The following LAMA2 variants were observed in gnomAD, a reference collection of about 807,000 sequenced individuals.
LAMA2 encodes the protein laminin subunit alpha-2.
LAMA2 carries 269 observed loss-of-function variants against 364.8 expected under a neutral mutation model. The observed-to-expected ratio is 0.74, with a 90% CI of 0.67 to 0.82. The LOEUF is 0.82. LAMA2 is among the 40% of genes least tolerant of loss of function. The pLI is 0.00. For missense variants in LAMA2, 3,807 were observed against 3,873.2 expected, an observed-to-expected ratio of 0.98 and a Z score of 0.45; for synonymous variants, 1,379 against 1,370.6, an observed-to-expected ratio of 1.01 and a Z score of -0.14.
In LAMA2 at chr6:129,190,211, G is replaced by T. The variant is rs1254472801; in HGVS notation, c.1474G>T (p.Val492Phe). 1.9e-6 allele frequency: 3 copies of T among 1,613,476 alleles called. No homozygotes were observed. The highest frequency in any genetic ancestry group is 2.5e-6 in the Non-Finnish European group (3 of 1,179,460). The change falls in exon 11 of 65, where the codon GTT becomes TTT. Residue 492 changes from valine to phenylalanine, a missense_variant. Val to Phe is a conservative substitution (Grantham distance 50). Coordinates refer to ENST00000421865, the MANE Select transcript of LAMA2 (RefSeq NM_000426.4). ...TACATCTCTTTATTTGCAGGAAAAT[G>T]TTGAAGGAGGAGACTGTAGTCGTTG... ...CFGPCICKEN[V>F]EGGDCSRCKS... is the part of the protein sequence containing the mutation.
rs867729486 is a variant in LAMA2, at chr6:129,088,430, C to T, written c.397-9743C>T. ...TGGGTACACCTCCCAGATGGGGTGG[C>T]GGCTGGGCAGAGGGGCTCCTCACTT... is the stretch of plus-strand genomic sequence containing the variant. On this transcript the variant is annotated intron_variant, in intron 3 of 64. Transcript: ENST00000421865. Among the ~76,000 whole-genome samples, 275 of 152,228 alleles carry T rather than the reference C, an allele frequency of 1.8e-3. 2 individuals are homozygous for T. Among genetic ancestry groups the T allele is most frequent in the African/African-American group, 6.2e-3 (257 of 41,562 alleles).
chr6:129,371,033 T>C, intron 34 of LAMA2, among the ~76,000 whole-genome samples: 2 of 152,232 alleles, frequency 1.3e-5, no homozygotes, highest in East Asian at 3.8e-4. Context: ...GCCAAATGTA[T>C]GTAGACATTA....
At chr6:129,510,151 G>A (rs1482591517) in intron 62 of LAMA2, among the ~76,000 whole-genome samples, 2 of 152,074 alleles carry the variant, frequency 1.3e-5, no homozygotes, top group African/African-American at 4.8e-5. Context: ...AAAGTAAACG[G>A]CATCCAAGGA....
At chr6:129,151,196 G>A (rs1458059341) in intron 7 of LAMA2, among the ~76,000 whole-genome samples, 2 of 152,152 alleles carry the variant, frequency 1.3e-5, no homozygotes, top group Non-Finnish European at 2.9e-5. Flanking sequence ...TAGGGTCCTG[G>A]CTGCACAGAG....
At chr6:129,397,304 G>A (rs7763317) in intron 37 of LAMA2, among the ~76,000 whole-genome samples, 6,543 of 151,930 alleles carry the variant, frequency 0.043, 453 homozygotes, top group African/African-American at 0.15. Flanking sequence ...TCCTATCTTA[G>A]GTATTTTATA....
Position 129,274,405 on chromosome 6 carries a change from C to T in LAMA2, c.2450+3654C>T, listed in dbSNP as rs1182594705. Among the ~76,000 whole-genome samples the T allele has an allele frequency of 4.0e-5, 6 of 151,386 alleles. No individual in the cohort carries two copies. In the East Asian group the frequency reaches 1.2e-3, roughly 29 times the overall value. ...CCTGAAGACGAGATTTTAATTTCCA[C>T]AGGTTATTCAGAGAAAAAAAAAAAG... On this transcript the variant is annotated intron_variant, in intron 17 of 64. Transcript: ENST00000421865.
intron 3 of LAMA2, among the ~76,000 whole-genome samples, chr6:129,065,959 A>G (rs1016039093): frequency 6.6e-6 from 1 of 150,510 alleles, no homozygotes; most frequent in Non-Finnish European, 1.5e-5. Context: ...ACCTTCCACC[A>G]TGATTGTGAG....
intron 4 of LAMA2, among the ~76,000 whole-genome samples, chr6:129,136,146 A>C (rs1352179013): frequency 6.6e-6 from 1 of 152,102 alleles, no homozygotes; most frequent in South Asian, 2.1e-4. Flanking sequence ...CCCAATGGGA[A>C]CGATACCAGG....
At chr6:128,973,327 GAGA>G (rs1782313017) in intron 1 of LAMA2, among the ~76,000 whole-genome samples, 1 of 152,180 alleles carries the variant, frequency 6.6e-6, no homozygotes, top group Non-Finnish European at 1.5e-5. Flanking sequence ...GCCACACATG[GAGA>G]AGGACACTGA....
chr6:129,313,024 C>T lies in LAMA2; in HGVS notation c.3338C>T (p.Thr1113Ile), dbSNP rs561950953. 1.9e-6 allele frequency: 3 copies of T among 1,614,194 alleles called. No individual in the cohort carries two copies. The highest frequency in any genetic ancestry group is 4.5e-5 in the East Asian group (2 of 44,890). ...CNLCDCFLPG[T>I]DATTCDSETK... is the part of the protein sequence containing the mutation. Reference sequence around the variant, plus strand: ...CTCTGTGACTGCTTCCTCCCTGGGACAGATGCCACAACCTGTGATTCAGAG... The same window carrying T: ...CTCTGTGACTGCTTCCTCCCTGGGATAGATGCCACAACCTGTGATTCAGAG... The change falls in exon 23 of 65, where the codon ACA (threonine) becomes ATA (isoleucine). Residue 1113 changes from threonine (T) to isoleucine (I), a missense_variant. Around this residue, in one of 3 missense-constraint regions of LAMA2, gnomAD observed 3,333 missense variants for 3,345.7 expected, o/e 1.00. Transcript: ENST00000421865.
chr6:129,266,177 A>G (rs1420145172), intron 15 of LAMA2, among the ~76,000 whole-genome samples: 2 of 152,098 alleles, frequency 1.3e-5, no homozygotes, highest in African/African-American at 4.8e-5. Flanking sequence ...AACCCACAAG[A>G]TGCAATTTCA....
At chr6:129,323,403 C>T (rs17057149) in intron 28 of LAMA2, among the ~76,000 whole-genome samples, 17,658 of 152,164 alleles carry the variant, frequency 0.12, 1,172 homozygotes, top group Admixed American at 0.16. Flanking sequence ...TCAGTTACTG[C>T]TAAAATATAG....
At chr6:129,382,945 T>C (rs1343621754) in intron 34 of LAMA2, among the ~76,000 whole-genome samples, 177 bp from the exon 35 acceptor site, 1 of 152,220 alleles carries the variant, frequency 6.6e-6, no homozygotes, top group Non-Finnish European at 1.5e-5. Context: ...GAAGAAGTAA[T>C]AAAGTTTAAT....
At chr6:128,948,191 A>T (rs1780597890) in intron 1 of LAMA2, among the ~76,000 whole-genome samples, 1 of 152,080 alleles carries the variant, frequency 6.6e-6, no homozygotes, top group African/African-American at 2.4e-5. Context: ...AGCAGGTAAC[A>T]AGAGGACTTG....
At chr6:129,390,687 C>T (rs1462748001) in intron 35 of LAMA2, among the ~76,000 whole-genome samples, 1 of 152,108 alleles carries the variant, frequency 6.6e-6, no homozygotes, top group Non-Finnish European at 1.5e-5. Flanking sequence ...AATAATATAA[C>T]TGTGTAAATG....
intron 1 of LAMA2, among the ~76,000 whole-genome samples, chr6:128,934,650 C>T (rs1008869766): frequency 6.6e-6 from 1 of 152,060 alleles, no homozygotes. Context: ...TACAGGTGCA[C>T]ACCACCATGC....
intron 51 of LAMA2, among the ~76,000 whole-genome samples, chr6:129,472,781 T>G (rs971026265): frequency 1.3e-5 from 2 of 151,962 alleles, no homozygotes; most frequent in Non-Finnish European, 2.9e-5. Context: ...TCCCAGTAGT[T>G]CCTGTGGATA....
intron 1 of LAMA2, among the ~76,000 whole-genome samples, chr6:129,039,069 C>A (rs994651944): frequency 6.6e-6 from 1 of 152,082 alleles, no homozygotes; most frequent in Non-Finnish European, 1.5e-5. Context: ...GCATTATATT[C>A]CAACTAGTGC....
At chr6:129,217,187 C>CAAA (rs5879929) in intron 12 of LAMA2, among the ~76,000 whole-genome samples, 1 of 145,290 alleles carries the variant, frequency 6.9e-6, no homozygotes, top group South Asian at 2.2e-4. Flanking sequence ...GACTCCATCT[C>CAAA]AAAAAAAAAA....
Sources: allele counts gnomAD v4.1 joint callset (sites outside exome capture counted in the v4.1 genomes callset), GRCh38; gene constraint gnomAD v4.1.1; regional missense constraint gnomAD v4.1.1; transcripts MANE v1.5; gene names NCBI Gene and HGNC (gene_info 2026-07-23, HGNC 2026-07-21).